Variants in HOXB3 observed in about 807,000 individuals in gnomAD.
HOXB3 encodes homeobox protein Hox-B3.
Under a neutral mutation model 29.2 loss-of-function variants are expected in HOXB3, and 17 were observed. That is an observed-to-expected ratio of 0.58 (90% CI 0.40 to 0.87). HOXB3 has a LOEUF of 0.87. HOXB3 is among the 40% of genes least tolerant of loss of function. The probability of loss-of-function intolerance (pLI) is 0.00; values close to 1 mark genes in which losing one functional copy is unlikely to be tolerated. For missense variants in HOXB3, 637 were observed against 616.3 expected, an observed-to-expected ratio of 1.03 and a Z score of -0.35; for synonymous variants, 317 against 285.9, an observed-to-expected ratio of 1.11 and a Z score of -1.10.
chr17:48,570,729 G>A (rs2069559447), intron 2 of HOXB3, among the ~76,000 whole-genome samples: 1 of 152,214 alleles, frequency 6.6e-6, no homozygotes, highest in Admixed American at 6.5e-5. Context: ...GGCCTCATGG[G>A]GTGGGGGCGC....
intron 2 of HOXB3, among the ~76,000 whole-genome samples, chr17:48,559,263 C>T (rs67412921): frequency 6.6e-6 from 1 of 152,022 alleles, no homozygotes; most frequent in South Asian, 2.1e-4. Flanking sequence ...TCTCCTCCCC[C>T]AAAAATGCAT....
rs2068882366 is a variant in HOXB3, at chr17:48,554,512, C to T, written c.-159+1019G>A. The T allele has an allele frequency of 4.7e-6, 3 of 641,330 alleles. No individual in the cohort carries two copies. Among genetic ancestry groups the T allele is most frequent in the South Asian group, 1.7e-5 (1 of 58,146 alleles). The allele number at this position is 641,330 out of a possible 1,614,324, so 39.7% of individuals were successfully genotyped here. On this transcript the variant is annotated intron_variant, in intron 3 of 4. Coordinates refer to ENST00000498678, the MANE Select transcript of HOXB3 (RefSeq NM_001384749.1). The surrounding 1 kb of genome is among the most constrained non-coding windows in gnomAD (Gnocchi z 4.1). Reference sequence around the variant, plus strand: ...CGATAGGAAAGAATGGAGACTCCGCCGGTGGTGCAGACAGGGCTGGGAAGG... The same window carrying T: ...CGATAGGAAAGAATGGAGACTCCGCTGGTGGTGCAGACAGGGCTGGGAAGG...
chr17:48,561,069 A>ACATG (rs1181438151), intron 2 of HOXB3, among the ~76,000 whole-genome samples: 2 of 152,004 alleles, frequency 1.3e-5, no homozygotes, highest in Non-Finnish European at 2.9e-5. Flanking sequence ...AGTCCCAGCT[A>ACATG]CTCGGGAGGC....
chr17:48,563,937 A>G (rs2069290128), intron 2 of HOXB3, among the ~76,000 whole-genome samples: 1 of 151,686 alleles, frequency 6.6e-6, no homozygotes, highest in Non-Finnish European at 1.5e-5. Flanking sequence ...CTGGGCCTCA[A>G]CGCCCTTTCT....
intron 4 of HOXB3, 54 bp downstream of exon 4, chr17:48,551,973 T>C: frequency 6.7e-7 from 1 of 1,493,306 alleles, no homozygotes; most frequent in South Asian, 1.3e-5. Context: ...AGAATAACAG[T>C]GACATTCCTG....
Position 48,577,166 on chromosome 17 carries a change from AG to A in HOXB3, c.-424-3153del, listed in dbSNP as rs2069793339. On this transcript the variant is annotated intron_variant, in intron 1 of 4. Coordinates refer to ENST00000498678, the MANE Select transcript of HOXB3 (RefSeq NM_001384749.1). Reference sequence around the variant, plus strand: ...TGAGGGAGAGCGGGGAAAAACGAAAAGGGAAGAATGCAAGACCCAAGAATGA... The same window carrying A: ...TGAGGGAGAGCGGGGAAAAACGAAAAGGAAGAATGCAAGACCCAAGAATGA... The A allele has an allele frequency of 6.2e-6, 5 of 808,290 alleles. No individual in the cohort carries two copies. The African/African-American group carries it at 8.7e-5, about 14-fold the overall frequency. The allele number at this position is 808,290 out of a possible 1,614,324, so 50.1% of individuals were successfully genotyped here. A position where few individuals can be genotyped will look rare whatever the true frequency, so the allele number is the denominator to read the frequency against.
chr17:48,550,548 G>T lies in HOXB3; in HGVS notation c.1082C>A (p.Pro361Gln). The T allele has an allele frequency of 6.5e-7, 1 of 1,529,086 alleles. No homozygotes were observed. Among genetic ancestry groups the T allele is most frequent in the Non-Finnish European group, 8.7e-7 (1 of 1,150,250 alleles). The allele number at this position is 1,529,086 out of a possible 1,614,324, so 94.7% of individuals were successfully genotyped here. ...VYVGGGGYAD[P>Q]LPPPAGPSLY... ...GGAGGGGCCGGCAGGGGGCGGCAGCGGATCCGCGTAGCCGCCCCCGCCCAC... is the reference window on the plus strand; with the variant it reads ...GGAGGGGCCGGCAGGGGGCGGCAGCTGATCCGCGTAGCCGCCCCCGCCCAC... The change falls in exon 5 of 5, where the codon CCG (proline) becomes CAG (glutamine). Residue 361 changes from proline (P) to glutamine (Q), a missense_variant. By Grantham distance (76) the Pro-to-Gln change is moderately conservative. Coordinates refer to ENST00000498678, the MANE Select transcript of HOXB3 (RefSeq NM_001384749.1).
intron 2 of HOXB3, among the ~76,000 whole-genome samples, chr17:48,571,139 G>A (rs1363244633): frequency 6.6e-6 from 1 of 152,210 alleles, no homozygotes; most frequent in African/African-American, 2.4e-5. Context: ...GCGCCTGATC[G>A]CGAGCCGAGC....
chr17:48,572,449 C>A lies in HOXB3; in HGVS notation c.-247+1388G>T, dbSNP rs139268191. ...GGCGGATAAGCCCTTTCTCTCCTCG[C>A]AGCCCAGGAGTTTATTCCCCTGGCC... On this transcript the variant is annotated intron_variant, in intron 2 of 4. Coordinates refer to ENST00000498678, the MANE Select transcript of HOXB3 (RefSeq NM_001384749.1). 9.8e-5 allele frequency among the ~76,000 whole-genome samples: 15 copies of A among 152,316 alleles called. No individual in the cohort carries two copies. In the East Asian group the frequency reaches 1.9e-3, roughly 20 times the overall value.
At chr17:48,578,101 G>A (rs1391749360) in intron 1 of HOXB3, 7 of 1,191,578 alleles carry the variant, frequency 5.9e-6, no homozygotes, top group East Asian at 6.4e-5. Context: ...GAGGCGGCGG[G>A]GGCCCAGGGT....
rs749360967 is a variant in HOXB3 at position 48,552,208 on chromosome 17, T to TGAGCCAGGCGGGGCC, written c.252_266dup (p.Ala85_Ser89dup). Reference sequence around the variant, plus strand: ...TGGTAGGTGCGGCACTGGGCGGGGGTGAGCCAGGCGGGGCCGACAGGGGCT... The same window carrying TGAGCCAGGCGGGGCC: ...TGGTAGGTGCGGCACTGGGCGGGGGTGAGCCAGGCGGGGCCGAGCCAGGCGGGGCCGACAGGGGCT... On this transcript the variant is annotated inframe_insertion, in exon 4 of 5. Transcript: ENST00000498678. 2 of 1,612,996 alleles carry TGAGCCAGGCGGGGCC rather than the reference T, an allele frequency of 1.2e-6. No homozygotes were observed. Among genetic ancestry groups the TGAGCCAGGCGGGGCC allele is most frequent in the Non-Finnish European group, 1.7e-6 (2 of 1,179,688 alleles).
intron 2 of HOXB3, among the ~76,000 whole-genome samples, chr17:48,571,729 T>C (rs1015875492): frequency 2.6e-4 from 39 of 152,208 alleles, no homozygotes; most frequent in African/African-American, 9.2e-4. Context: ...GAGCCCCATA[T>C]ATTTTTAGTC....
rs553487618 is a variant in HOXB3 at position 48,582,442 on chromosome 17, T to C, written c.-425+7683A>G. 115 of 148,058 alleles carry C rather than the reference T, an allele frequency of 7.8e-4. 2 individuals carry two copies. The highest frequency in any genetic ancestry group is 2.3e-3 in the African/African-American group (93 of 40,648). The allele number at this position is 148,058 out of a possible 1,614,324, so 9.2% of individuals were successfully genotyped here. A position where few individuals can be genotyped will look rare whatever the true frequency, so the allele number is the denominator to read the frequency against. On this transcript the variant is annotated intron_variant, in intron 1 of 4. Transcript: ENST00000498678. Reference sequence around the variant, plus strand: ...GCTCCCTCAGAAGCCGGAACGTGACTTTTTTTTTTGGTGTGTTTTTGTTTT... The same window carrying C: ...GCTCCCTCAGAAGCCGGAACGTGACCTTTTTTTTTGGTGTGTTTTTGTTTT...
intron 1 of HOXB3, among the ~76,000 whole-genome samples, chr17:48,588,172 C>T (rs896991770): frequency 6.6e-6 from 1 of 152,202 alleles, no homozygotes. Flanking sequence ...GCAGCTTGTC[C>T]TGACTGGGGT....
intron 3 of HOXB3, among the ~76,000 whole-genome samples, chr17:48,555,050 G>A (rs1456939826): frequency 1.3e-5 from 2 of 151,126 alleles, no homozygotes; most frequent in East Asian, 2.0e-4. Flanking sequence ...TCTCGCTGGA[G>A]AAGGGAGATG....
At chr17:48,570,361 G>C (rs973683744) in intron 2 of HOXB3, among the ~76,000 whole-genome samples, 1 of 152,126 alleles carries the variant, frequency 6.6e-6, no homozygotes, top group African/African-American at 2.4e-5. Flanking sequence ...CAGAGTTCTC[G>C]GCCGGGGCAT....
intron 1 of HOXB3, chr17:48,576,980 C>T: frequency 6.2e-7 from 1 of 1,610,960 alleles, no homozygotes; most frequent in South Asian, 1.1e-5. Flanking sequence ...TGTAGGCGGT[C>T]CGAGAGCGCT....
Position 48,552,568 on chromosome 17 carries a change from C to A in HOXB3, c.-94G>T. The A allele has an allele frequency of 1.2e-6, 1 of 800,502 alleles. No homozygotes were observed. The highest frequency in any genetic ancestry group is 1.8e-6 in the Non-Finnish European group (1 of 558,060). 49.6% of individuals were successfully genotyped at this position (800,502 alleles called of 1,614,324 possible). A position where few individuals can be genotyped will look rare whatever the true frequency, so the allele number is the denominator to read the frequency against. ...CAACCCTGGGGGTCACGTGACACGC[C>A]GGACCCCCCCCCCCCACCTCCCCTC... On this transcript the variant is annotated 5_prime_UTR_variant, in exon 4 of 5. Transcript: ENST00000498678.
At chr17:48,562,856 C>T (rs189151689) in intron 2 of HOXB3, among the ~76,000 whole-genome samples, 2 of 152,288 alleles carry the variant, frequency 1.3e-5, no homozygotes, top group African/African-American at 2.4e-5. Flanking sequence ...AGTTGGCCTG[C>T]GGAAATTACT....
Sources: allele counts gnomAD v4.1 joint callset (sites outside exome capture counted in the v4.1 genomes callset), GRCh38; gene constraint gnomAD v4.1.1; non-coding constraint Gnocchi (gnomAD v3.1); transcripts MANE v1.5; gene names NCBI Gene and HGNC (gene_info 2026-07-23, HGNC 2026-07-21).